The following PTPN21 variants were observed in gnomAD, a reference collection of about 807,000 sequenced individuals.
The protein encoded by PTPN21 is tyrosine-protein phosphatase non-receptor type 21.
PTPN21 carries 77 observed loss-of-function variants against 131.8 expected under a neutral mutation model. That is an observed-to-expected ratio of 0.58 (90% CI 0.49 to 0.71). The LOEUF (loss-of-function observed/expected upper bound fraction) is 0.71, where lower values mean the gene tolerates loss of function less well. PTPN21 is among the 30% of genes least tolerant of loss of function. The pLI, the probability that PTPN21 is intolerant of heterozygous loss-of-function variation, is 0.00. For missense variants in PTPN21, 1,552 were observed against 1,527.1 expected (o/e 1.02, Z -0.27); for synonymous variants, 715 against 621.3 (o/e 1.15, Z -2.24).
At chr14:88,510,882 A>AATGGATGG (rs928937734) in intron 3 of PTPN21, among the ~76,000 whole-genome samples, 10 of 151,990 alleles carry the variant, frequency 6.6e-5, no homozygotes, top group Admixed American at 6.6e-4. Context: ...AGGATGGATG[A>AATGGATGG]ATGGATGGAT....
intron 1 of PTPN21, chr14:88,552,411 A>T (rs2078881555): frequency 1.3e-5 from 2 of 152,380 alleles, no homozygotes; most frequent in South Asian, 4.1e-4. Context: ...TGAGAAATCT[A>T]AGACGAATCC....
intron 10 of PTPN21, among the ~76,000 whole-genome samples, chr14:88,492,333 CCCCA>C (rs1211834790): frequency 6.6e-6 from 1 of 152,196 alleles, no homozygotes; most frequent in Non-Finnish European, 1.5e-5. Flanking sequence ...ACCAGGCCAG[CCCCA>C]GGGAACCCCA....
chr14:88,482,406 C>T (rs932235743), intron 12 of PTPN21, among the ~76,000 whole-genome samples: 24 of 152,084 alleles, frequency 1.6e-4, no homozygotes, highest in Non-Finnish European at 3.1e-4. Context: ...GGGCAGATCA[C>T]CCAAGGTCGG....
intron 2 of PTPN21, among the ~76,000 whole-genome samples, chr14:88,518,516 C>T (rs1236293741): frequency 2.2e-5 from 3 of 135,570 alleles, no homozygotes; most frequent in Non-Finnish European, 4.7e-5. Context: ...CTGCAACCTC[C>T]GCTTCCCAGG....
intron 15 of PTPN21, among the ~76,000 whole-genome samples, chr14:88,471,305 A>C (rs925177772): frequency 6.6e-6 from 1 of 152,224 alleles, no homozygotes; most frequent in Non-Finnish European, 1.5e-5. Flanking sequence ...CCCAAAATAA[A>C]GAATTGAATG....
chr14:88,533,462 CA>C (rs1284796468), intron 2 of PTPN21, among the ~76,000 whole-genome samples: 1 of 152,168 alleles, frequency 6.6e-6, no homozygotes, highest in Admixed American at 6.5e-5. Flanking sequence ...ATCGTGCTAC[CA>C]ATTGCACAAA....
At chr14:88,525,092 T>G (rs974507442) in intron 2 of PTPN21, among the ~76,000 whole-genome samples, 2 of 151,860 alleles carry the variant, frequency 1.3e-5, no homozygotes, top group African/African-American at 4.8e-5. Context: ...AAAATAAAAT[T>G]AGCTGAGTAC....
chr14:88,496,402 GAC>G lies in PTPN21; in HGVS notation c.932+9_932+10del. The G allele has an allele frequency of 6.3e-7, 1 of 1,590,068 alleles. No homozygotes were observed. Among genetic ancestry groups the G allele is most frequent in the Non-Finnish European group, 8.6e-7 (1 of 1,158,486 alleles). Reference sequence around the variant, plus strand: ...TATTTTTGATAATTTCCATGAGCAGGACATACTTACAGGTTACACTGGTTTAG... The same window carrying G: ...TATTTTTGATAATTTCCATGAGCAGGATACTTACAGGTTACACTGGTTTAG... On this transcript the variant is annotated intron_variant, in intron 10 of 18. Transcript: ENST00000556564.
intron 5 of PTPN21, 80 bp from the exon 6 acceptor site, chr14:88,504,575 G>T: frequency 8.5e-7 from 1 of 1,180,070 alleles, no homozygotes; most frequent in Non-Finnish European, 1.3e-6. Flanking sequence ...GACTGTTAAT[G>T]ACTCTCGTCA....
intron 2 of PTPN21, among the ~76,000 whole-genome samples, chr14:88,549,733 C>T (rs563589067): frequency 2.6e-5 from 4 of 151,518 alleles, no homozygotes; most frequent in Middle Eastern, 3.4e-3. Flanking sequence ...CCAGTAGCTG[C>T]GATTACAGGC....
At position 88,550,494 on chromosome 14, in the gene PTPN21, G is replaced by A. The variant is rs991670623; in HGVS notation, c.-77C>T. The A allele has an allele frequency of 3.6e-6, 5 of 1,391,466 alleles. No homozygotes were observed. The highest frequency in any genetic ancestry group is 4.0e-6 in the Non-Finnish European group (4 of 1,009,268). The allele number at this position is 1,391,466 out of a possible 1,614,324, so 86.2% of individuals were successfully genotyped here. On this transcript the variant is annotated 5_prime_UTR_variant, in exon 2 of 19. Transcript: ENST00000556564. ...CAACCCAGCGCTGGTGACGCCAGGA[G>A]AAAGCGATCCTCTCCGGATGGGACG...
At chr14:88,553,860 A>C (rs1000708767) in intron 1 of PTPN21, among the ~76,000 whole-genome samples, 1 of 152,180 alleles carries the variant, frequency 6.6e-6, no homozygotes, top group Non-Finnish European at 1.5e-5. Flanking sequence ...AAATAAAATA[A>C]GCACTAAAAG....
chr14:88,477,205 G>A (rs904492189), intron 13 of PTPN21, among the ~76,000 whole-genome samples: 11 of 152,064 alleles, frequency 7.2e-5, no homozygotes, highest in Non-Finnish European at 4.4e-5. Flanking sequence ...TCAGGGATGT[G>A]AGTTATGTTG....
At chr14:88,535,106 A>T (rs2078611486) in intron 2 of PTPN21, among the ~76,000 whole-genome samples, 1 of 152,120 alleles carries the variant, frequency 6.6e-6, no homozygotes, top group Admixed American at 6.6e-5. Flanking sequence ...ATGCTTAGAT[A>T]TGTTTAAGTA....
At position 88,472,248 on chromosome 14, in the gene PTPN21, A is replaced by T. The variant is rs199662445; in HGVS notation, c.2867T>A (p.Ile956Asn). Reference protein sequence around the residue: ...NNTGYINASHIKVSVSGIEWD... With the variant: ...NNTGYINASHNKVSVSGIEWD... ...TACTTGAGGCGTTCCTCTCACCTTA[A>T]TATGTGATGCGTTGATGTAACCAGT... Residue 956 changes from isoleucine to asparagine, a missense_variant, in exon 15 of 19, where the codon ATT becomes AAT. This residue lies in a region of PTPN21 where 316 missense variants were observed against 378.5 expected (regional missense o/e 0.83). Coordinates refer to ENST00000556564, the MANE Select transcript of PTPN21 (RefSeq NM_007039.4). 9 of 1,600,478 alleles carry T rather than the reference A, an allele frequency of 5.6e-6. No individual in the cohort carries two copies. In the Admixed American group the frequency reaches 1.3e-4, roughly 24 times the overall value.
intron 6 of PTPN21, among the ~76,000 whole-genome samples, chr14:88,502,760 G>T (rs1224423929): frequency 6.6e-6 from 1 of 152,118 alleles, no homozygotes; most frequent in East Asian, 1.9e-4. Context: ...GGTAAAGCTG[G>T]GAAGGCAGGA....
chr14:88,467,909 G>A lies in PTPN21; in HGVS notation c.*228C>T. ...ACCGGACAGACCGGGGCAGGGCAAG[G>A]CCCTTGAAACCAAGTCCTCCTTGAG... On this transcript the variant is annotated 3_prime_UTR_variant, in exon 19 of 19. Coordinates refer to ENST00000556564, the MANE Select transcript of PTPN21 (RefSeq NM_007039.4). 3.3e-6 allele frequency: 2 copies of A among 614,528 alleles called. No homozygotes were observed. Among genetic ancestry groups the A allele is most frequent in the Non-Finnish European group, 5.7e-6 (2 of 349,492 alleles). 38.1% of individuals were successfully genotyped at this position (614,528 alleles called of 1,614,324 possible). A position where few individuals can be genotyped will look rare whatever the true frequency, so the allele number is the denominator to read the frequency against.
chr14:88,508,141 G>GTT, intron 3 of PTPN21, 121 bp from the exon 4 acceptor site: 5 of 469,740 alleles, frequency 1.1e-5, no homozygotes, highest in Non-Finnish European at 1.8e-5. Context: ...ATCCCACATG[G>GTT]TTGTGTGTGT....
In PTPN21 at chr14:88,479,208, C is replaced by CT; in HGVS notation, c.2222dup (p.Asp742GlyfsTer112). 1 of 1,593,670 alleles carries CT rather than the reference C, an allele frequency of 6.3e-7. No individual in the cohort carries two copies. The stretch of plus-strand genomic sequence containing the variant: ...GGACGCGAGGGCAGCCAGGTGGGTC[C>CT]TGGGCCAGGCCGGGCCGAGGCTCGC... On this transcript the variant is annotated frameshift_variant, in exon 13 of 19. Transcript: ENST00000556564. LOFTEE classifies it high-confidence loss of function.
Sources: gnomAD v4.1 joint callset for allele counts (sites outside exome capture counted in the v4.1 genomes callset) on GRCh38, gnomAD v4.1.1 for gene constraint, gnomAD v4.1.1 regional missense constraint, MANE v1.5 for transcripts, NCBI Gene and HGNC (gene_info 2026-07-23, HGNC 2026-07-21) for gene names.